The following CYP17A1 variants were observed in gnomAD, a reference collection of about 807,000 sequenced individuals.
CYP17A1 encodes the protein steroid 17-alpha-hydroxylase/17,20 lyase.
A neutral mutation model predicts 38.5 loss-of-function variants in CYP17A1; 27 were observed. The ratio of observed to expected loss-of-function variants is 0.70; its 90% CI spans 0.52 to 0.97. The LOEUF (loss-of-function observed/expected upper bound fraction) is 0.97, where lower values mean the gene tolerates loss of function less well. Among genes scored for constraint, CYP17A1 ranks in the 50% least tolerant of loss-of-function variants. CYP17A1 has a pLI of 0.00. For synonymous variants in CYP17A1, 263 were observed against 253.3 expected, an observed-to-expected ratio of 1.04 and a Z score of -0.36; for missense variants, 549 against 645.9, an observed-to-expected ratio of 0.85 and a Z score of 1.63.
Position 102,831,432 on chromosome 10 carries a change from G to A in CYP17A1, c.1243+76C>T, listed in dbSNP as rs868252339. 4.4e-6 allele frequency: 7 copies of A among 1,590,674 alleles called. No homozygotes were observed. The Middle Eastern group carries it at 8.4e-4, about 192-fold the overall frequency. On this transcript the variant is annotated intron_variant, in intron 7 of 7. Coordinates refer to ENST00000369887, the MANE Select transcript of CYP17A1 (RefSeq NM_000102.4). ...TTTTCTAGCAGCAAGCTTGGCAGAG[G>A]TGAAGGGGTACTGGGGTGGTGGAGC...
At chr10:102,831,864 T>C (rs529455143) in intron 6 of CYP17A1, among the ~76,000 whole-genome samples, 16 of 152,136 alleles carry the variant, frequency 1.1e-4, no homozygotes, top group Non-Finnish European at 1.9e-4. Flanking sequence ...TATGTGGGTG[T>C]GCGTTTGGAG....
Position 102,834,101 on chromosome 10 carries a change from C to T in CYP17A1, c.688G>A (p.Glu230Lys), listed in dbSNP as rs1564778698. Residue 230 changes from glutamate to lysine, a missense_variant, in exon 4 of 8, where the codon GAA becomes AAA. Glu to Lys is a moderately conservative substitution (Grantham distance 56, BLOSUM62 1). This residue lies in a region of CYP17A1 where 289 missense variants were observed against 320.9 expected (regional missense o/e 0.90). Transcript: ENST00000369887. ...WLKIFPNKTLEKLKSHVKIRN... is the reference protein window; with the variant it reads ...WLKIFPNKTLKKLKSHVKIRN... Reference sequence around the variant, plus strand: ...ATTTTAACATGGCTCTTTAATTTTTCCAGGGTTTTGTTGGGGAAAATCTGG... The same window carrying T: ...ATTTTAACATGGCTCTTTAATTTTTTCAGGGTTTTGTTGGGGAAAATCTGG... 1 of 1,320,540 alleles carries T rather than the reference C, an allele frequency of 7.6e-7. No homozygotes were observed. Among genetic ancestry groups the T allele is most frequent in the Non-Finnish European group, 1.1e-6 (1 of 911,982 alleles). The allele number at this position is 1,320,540 out of a possible 1,614,324, so 81.8% of individuals were successfully genotyped here. A position where few individuals can be genotyped will look rare whatever the true frequency, so the allele number is the denominator to read the frequency against.
chr10:102,833,611 C>T (rs149122148), intron 4 of CYP17A1: 140 of 284,230 alleles, frequency 4.9e-4, no homozygotes, highest in African/African-American at 2.7e-3. Flanking sequence ...CATGCGCCAC[C>T]GTGCCCGGCT....
chr10:102,833,409 C>A, intron 4 of CYP17A1: 1 of 892,706 alleles, frequency 1.1e-6, no homozygotes, highest in Non-Finnish European at 1.6e-6. Context: ...TAGGTCTCTT[C>A]TAGGATCCTC....
rs17115104 is a variant in CYP17A1 at position 102,834,644 on chromosome 10, T to A, written c.666+141A>T. 8,827 of 1,143,554 alleles carry A rather than the reference T, an allele frequency of 7.7e-3. 428 individuals are homozygous for A. In the African/African-American group the frequency reaches 0.11, roughly 15 times the overall value. 70.8% of individuals were successfully genotyped at this position (1,143,554 alleles called of 1,614,324 possible). On this transcript the variant is annotated intron_variant, in intron 3 of 7. Coordinates refer to ENST00000369887, the MANE Select transcript of CYP17A1 (RefSeq NM_000102.4). ...GCAGAGAAATGGCAAAGGTTTTAAG[T>A]GGCAGAGGAGGTAGAGGTGGCGGAG...
intron 6 of CYP17A1, among the ~76,000 whole-genome samples, 174 bp downstream of exon 6, chr10:102,832,337 G>T (rs1245360956): frequency 1.3e-5 from 2 of 152,162 alleles, no homozygotes; most frequent in African/African-American, 4.8e-5. Flanking sequence ...CTCCCAAAGT[G>T]TTGGGATGAC....
chr10:102,831,057 A>C (rs1199993039), intron 7 of CYP17A1, 72 bp from the exon 8 acceptor site: 2 of 1,044,920 alleles, frequency 1.9e-6, no homozygotes, highest in Non-Finnish European at 2.9e-6. Context: ...GCCCTGGTTG[A>C]GGGGGAGACA....
intron 1 of CYP17A1, among the ~76,000 whole-genome samples, chr10:102,836,525 C>T (rs1844164882): frequency 6.6e-5 from 10 of 151,114 alleles, no homozygotes; most frequent in Admixed American, 5.3e-4. Context: ...TCATCAGCAA[C>T]CCTGAAATGT....
intron 5 of CYP17A1, 150 bp downstream of exon 5, chr10:102,832,843 C>T (rs1162628993): frequency 2.0e-6 from 3 of 1,480,366 alleles, no homozygotes; most frequent in African/African-American, 2.8e-5. Context: ...GGCAGCTCTA[C>T]TCTGGGGTCA....
rs2134082297 is a variant in CYP17A1, at chr10:102,832,504, G to A, written c.1139+7C>T. 1 of 1,588,106 alleles carries A rather than the reference G, an allele frequency of 6.3e-7. No homozygotes were observed. Among genetic ancestry groups the A allele is most frequent in the Non-Finnish European group, 8.6e-7 (1 of 1,156,424 alleles). On this transcript the variant is annotated splice_region_variant and intron_variant, in intron 6 of 7. Coordinates refer to ENST00000369887, the MANE Select transcript of CYP17A1 (RefSeq NM_000102.4). ...GGGGCTAGATGTCACTGGGAGGGCA[G>A]GCACACCTGGAGTCAACGTTGGCCT... is the stretch of plus-strand genomic sequence containing the variant.
In CYP17A1 at chr10:102,830,923, C is replaced by T. The variant is rs757083287; in HGVS notation, c.1306G>A (p.Gly436Arg). Reference sequence around the variant, plus strand: ...CCTATACAGGAGCGAGGTCCTGCTCCGAAGGGCAAATAGCTTACTGACGGT... The same window carrying T: ...CCTATACAGGAGCGAGGTCCTGCTCTGAAGGGCAAATAGCTTACTGACGGT... ...ISPSVSYLPFGAGPRSCIGEI... is the reference protein window; with the variant it reads ...ISPSVSYLPFRAGPRSCIGEI... Residue 436 changes from glycine to arginine, a missense_variant, in exon 8 of 8, where the codon GGA becomes AGA. Physicochemically the swap from Gly to Arg is moderately radical, Grantham distance 125. Transcript: ENST00000369887. The surrounding 1 kb of genome is among the most constrained non-coding windows in gnomAD (Gnocchi z 4.1). 2.0e-5 allele frequency: 31 copies of T among 1,573,924 alleles called. No individual in the cohort carries two copies. The highest frequency in any genetic ancestry group is 2.4e-5 in the Non-Finnish European group (28 of 1,155,536).
chr10:102,832,890 C>T, intron 5 of CYP17A1, 103 bp downstream of exon 5: 1 of 1,542,356 alleles, frequency 6.5e-7, no homozygotes, highest in Non-Finnish European at 8.8e-7. Context: ...CAGGGCAGGC[C>T]TAGTCTTCCT....
chr10:102,832,790 C>A, intron 5 of CYP17A1, 110 bp from the exon 6 acceptor site: 1 of 1,283,890 alleles, frequency 7.8e-7, no homozygotes, highest in Non-Finnish European at 1.1e-6. Flanking sequence ...CAGTCCCTTC[C>A]CAGTAGTGGC....
At chr10:102,834,570 C>A in intron 3 of CYP17A1, 1 of 638,476 alleles carries the variant, frequency 1.6e-6, no homozygotes, top group Non-Finnish European at 2.7e-6. Context: ...AAATGAAGGT[C>A]ATTATCTGGA....
rs967621887 is a variant in CYP17A1, at chr10:102,830,555, T to C, written c.*147A>G. Reference sequence around the variant, plus strand: ...CTTATGGAAAAAAAAAAACTGTTTATGCACATCACTGGCATTGCCACAAGC... The same window carrying C: ...CTTATGGAAAAAAAAAAACTGTTTACGCACATCACTGGCATTGCCACAAGC... On this transcript the variant is annotated 3_prime_UTR_variant, in exon 8 of 8. Transcript: ENST00000369887. This position sits in a 1 kb window ranked among gnomAD's most constrained non-coding sequence, Gnocchi z 4.1. The C allele has an allele frequency of 2.3e-4, 142 of 618,868 alleles. 1 individual carries two copies. The African/African-American group carries it at 2.4e-3, about 11-fold the overall frequency. The allele number at this position is 618,868 out of a possible 1,614,324, so 38.3% of individuals were successfully genotyped here.
intron 7 of CYP17A1, 124 bp downstream of exon 7, chr10:102,831,384 G>T: frequency 6.7e-7 from 1 of 1,482,898 alleles, no homozygotes; most frequent in Admixed American, 2.0e-5. Flanking sequence ...GTGTCAACAG[G>T]TCCGTATAGT....
rs104894150 is a variant in CYP17A1, at chr10:102,834,850, A to T, written c.601T>A (p.Tyr201Asn). The change falls in exon 3 of 8, where the codon TAC becomes AAC. Residue 201 changes from tyrosine to asparagine, a missense_variant. Physicochemically the swap from Tyr to Asn is moderately radical, Grantham distance 143. This residue lies in a region of CYP17A1 where 289 missense variants were observed against 320.9 expected (regional missense o/e 0.90). Coordinates refer to ENST00000369887, the MANE Select transcript of CYP17A1 (RefSeq NM_000102.4). ...AGGTTGTCTATGATGCCTTCATTGT[A>T]ATTCTGTATGACATTCAACTCAGGG... is the stretch of plus-strand genomic sequence containing the variant. Reference protein sequence around the residue: ...GDPELNVIQNYNEGIIDNLSK... With the variant: ...GDPELNVIQNNNEGIIDNLSK... The T allele has an allele frequency of 5.0e-6, 8 of 1,614,090 alleles. No homozygotes were observed. The East Asian group carries it at 1.8e-4, about 36-fold the overall frequency.
intron 1 of CYP17A1, among the ~76,000 whole-genome samples, chr10:102,836,563 T>A (rs1485378786): frequency 6.6e-6 from 1 of 151,652 alleles, no homozygotes; most frequent in East Asian, 1.9e-4. Context: ...CCTGTGAGCC[T>A]GAGTAGCTGG....
At chr10:102,831,654 A>T in intron 6 of CYP17A1, 43 bp from the exon 7 acceptor site, 1 of 1,608,578 alleles carries the variant, frequency 6.2e-7, no homozygotes, top group East Asian at 2.2e-5. Context: ...GGGACTTCGT[A>T]CTCCCTTCCT....
Sources: gnomAD v4.1 joint callset for allele counts (sites outside exome capture counted in the v4.1 genomes callset) on GRCh38, gnomAD v4.1.1 for gene constraint, gnomAD v4.1.1 regional missense constraint, Gnocchi (gnomAD v3.1) non-coding constraint, MANE v1.5 for transcripts, NCBI Gene and HGNC (gene_info 2026-07-23, HGNC 2026-07-21) for gene names.